THOC2: variants seen among roughly 807,000 people sequenced by gnomAD.
The protein encoded by THOC2 is THO complex subunit 2.
THOC2 carries 10 observed loss-of-function variants against 128.4 expected under a neutral mutation model. That is an observed-to-expected ratio of 0.08 (90% CI 0.05 to 0.13). THOC2 has a LOEUF of 0.13. THOC2 is among the 10% of genes least tolerant of loss of function. The probability of loss-of-function intolerance (pLI) is 1.00; values close to 1 mark genes in which losing one functional copy is unlikely to be tolerated. For missense variants in THOC2, 535 were observed against 1,155.7 expected, an observed-to-expected ratio of 0.46 and a Z score of 7.79; for synonymous variants, 393 against 396.9, an observed-to-expected ratio of 0.99 and a Z score of 0.12.
chrX:123,610,794 T>C, intron 38 of THOC2, 124 bp downstream of exon 38: 2 of 530,043 alleles, frequency 3.8e-6, no homozygotes, highest in South Asian at 7.0e-5. Flanking sequence ...GAAGACTTGG[T>C]CGTTATATTT....
chrX:123,631,771 T>C lies in THOC2; in HGVS notation c.2398A>G (p.Ile800Val). ...TEDYIKRVPS[I>V]DVLCNEFHTP... ...TGAAATTCATTACAGAGTACATCAA[T>C]TGAAGGCACTCGCTTTATATAATCT... Residue 800 changes from isoleucine to valine, a missense_variant, in exon 22 of 39, where the codon ATT (isoleucine) becomes GTT (valine). Physicochemically the swap from Ile to Val is conservative, Grantham distance 29. Transcript: ENST00000245838. 3 of 1,208,401 alleles carry C rather than the reference T, an allele frequency of 2.5e-6. No individual in the cohort carries two copies. The highest frequency in any genetic ancestry group is 5.9e-5 in the East Asian group (2 of 33,818).
chrX:123,657,291 A>AGAAG (rs977033599), intron 12 of THOC2, among the ~76,000 whole-genome samples: 1 of 110,522 alleles, frequency 9.0e-6, no homozygotes, highest in African/African-American at 3.3e-5. Context: ...TGGAAATAGC[A>AGAAG]GAAGGAAGGA....
chrX:123,608,269 C>G (rs2147522707), intron 38 of THOC2, among the ~76,000 whole-genome samples: 1 of 104,961 alleles, frequency 9.5e-6, no homozygotes, highest in African/African-American at 3.5e-5. Context: ...GGCGTGGTGG[C>G]ACGTGCTTGT....
chrX:123,629,995 T>C (rs1356523511), intron 22 of THOC2, among the ~76,000 whole-genome samples: 2 of 111,803 alleles, frequency 1.8e-5, no homozygotes, highest in African/African-American at 6.5e-5. Flanking sequence ...AGTTTATAGG[T>C]ATGAGAGGGT....
chrX:123,710,375 C>T (rs1251181503), intron 2 of THOC2, among the ~76,000 whole-genome samples: 1 of 112,065 alleles, frequency 8.9e-6, no homozygotes, highest in Non-Finnish European at 1.9e-5. Context: ...CTATTTTATC[C>T]ACCTAATGTT....
chrX:123,688,826 C>T (rs921005474), intron 7 of THOC2, among the ~76,000 whole-genome samples: 2 of 111,766 alleles, frequency 1.8e-5, no homozygotes, highest in Admixed American at 9.5e-5. Context: ...ATGAAAAATG[C>T]CTTCACACTG....
chrX:123,672,658 T>C (rs1369825255), intron 8 of THOC2, among the ~76,000 whole-genome samples: 1 of 112,079 alleles, frequency 8.9e-6, no homozygotes, highest in East Asian at 2.8e-4. Context: ...ATCGATGTTT[T>C]AAAGTACAGA....
chrX:123,678,810 C>T (rs1414194615), intron 8 of THOC2, among the ~76,000 whole-genome samples: 1 of 110,283 alleles, frequency 9.1e-6, no homozygotes, highest in Non-Finnish European at 1.9e-5. Context: ...CAATACCTCC[C>T]TCTCTCATCC....
chrX:123,672,520 G>A (rs762714987), intron 8 of THOC2, among the ~76,000 whole-genome samples: 1 of 111,730 alleles, frequency 9.0e-6, no homozygotes, highest in Non-Finnish European at 1.9e-5. Context: ...AAGTGCAGAA[G>A]AACCATCAGC....
Position 123,657,939 on chromosome X carries a change from ATT to A in THOC2, c.1386+7701_1386+7702del, listed in dbSNP as rs749831354. ...TTCAAAATAATAATAGCAACAATGT[ATT>A]TGATTACATACGCATATGCGTGTGT... On this transcript the variant is annotated intron_variant, in intron 12 of 38. Transcript: ENST00000245838. 2.9e-5 allele frequency among the ~76,000 whole-genome samples: 3 copies of A among 104,966 alleles called. No homozygotes were observed. The South Asian group carries it at 1.3e-3, about 46-fold the overall frequency. 91.2% of individuals were successfully genotyped at this position (104,966 alleles called of 115,157 possible).
At position 123,646,460 on chromosome X, in the gene THOC2, G is replaced by C. The variant is rs146520077; in HGVS notation, c.1387-1085C>G. Among the ~76,000 whole-genome samples, 10 of 112,189 alleles carry C rather than the reference G, an allele frequency of 8.9e-5. No individual in the cohort carries two copies. In the East Asian group the frequency reaches 2.8e-3, roughly 31 times the overall value. On this transcript the variant is annotated intron_variant, in intron 12 of 38. Transcript: ENST00000245838. ...TTAGCTCAATATCAAGTGAGAAAGA[G>C]GGAAAAGCTAATATGCAGATAACAA...
At chrX:123,664,644 A>T (rs915790147) in intron 12 of THOC2, among the ~76,000 whole-genome samples, 3 of 112,042 alleles carry the variant, frequency 2.7e-5, no homozygotes, top group Non-Finnish European at 5.6e-5. Flanking sequence ...AATCAAAACC[A>T]CAATGAGATA....
chrX:123,642,298 G>A (rs942627011), intron 15 of THOC2, among the ~76,000 whole-genome samples: 5 of 109,913 alleles, frequency 4.5e-5, no homozygotes, highest in African/African-American at 9.9e-5. Context: ...GGTGGCAGGC[G>A]CCTGTAATCC....
intron 38 of THOC2, chrX:123,602,142 A>G (rs1225507067): frequency 8.9e-6 from 1 of 112,731 alleles, no homozygotes; most frequent in Non-Finnish European, 1.9e-5. Flanking sequence ...ACATTCACAT[A>G]TTTCTTAAAA....
chrX:123,675,923 T>C (rs1443553706), intron 8 of THOC2, among the ~76,000 whole-genome samples: 5 of 111,805 alleles, frequency 4.5e-5, no homozygotes, highest in Admixed American at 9.5e-5. Flanking sequence ...GAGAGTGCAT[T>C]AGAACACTCC....
intron 8 of THOC2, among the ~76,000 whole-genome samples, chrX:123,674,691 C>A (rs899295643): frequency 1.8e-5 from 2 of 111,297 alleles, no homozygotes; most frequent in African/African-American, 6.5e-5. Context: ...TGATCCCCTT[C>A]TTTTTTCTGT....
rs781722774 is a variant in THOC2 at position 123,603,733 on chromosome X, G to A, written c.*19-2395C>T. On this transcript the variant is annotated intron_variant, in intron 38 of 38. Coordinates refer to ENST00000245838, the MANE Select transcript of THOC2 (RefSeq NM_001081550.2). ...CTCCTCTGGGAGACTTTCGGCTTAG[G>A]GGGTCTGTCCATAGCCTGGAATGAC... 322 of 388,740 alleles carry A rather than the reference G, an allele frequency of 8.3e-4. 1 individual carries two copies. The highest frequency in any genetic ancestry group is 2.4e-3 in the Middle Eastern group (6 of 2,465). 32.0% of individuals were successfully genotyped at this position (388,740 alleles called of 1,213,427 possible).
chrX:123,724,647 C>T (rs975646944), intron 1 of THOC2, among the ~76,000 whole-genome samples: 3 of 110,903 alleles, frequency 2.7e-5, no homozygotes, highest in Non-Finnish European at 3.8e-5. Flanking sequence ...ACTGCATCAC[C>T]GCACTCCAAC....
chrX:123,655,879 C>T (rs931165046), intron 12 of THOC2, among the ~76,000 whole-genome samples: 1 of 110,926 alleles, frequency 9.0e-6, no homozygotes, highest in Non-Finnish European at 1.9e-5. Context: ...GAATCTCTCT[C>T]CCCCATTCCT....
Sources: gnomAD v4.1 joint callset for allele counts (sites outside exome capture counted in the v4.1 genomes callset) on GRCh38, gnomAD v4.1.1 for gene constraint, MANE v1.5 for transcripts, NCBI Gene and HGNC (gene_info 2026-07-23, HGNC 2026-07-21) for gene names.